The following DENND1A variants were observed in gnomAD, a reference collection of about 807,000 sequenced individuals.
DENND1A encodes the protein DENN domain containing 1A.
DENND1A carries 51 observed loss-of-function variants against 113.7 expected under a neutral mutation model. That is an observed-to-expected ratio of 0.45 (90% CI 0.36 to 0.57). DENND1A has a LOEUF of 0.57. Among genes scored for constraint, DENND1A ranks in the 20% least tolerant of loss-of-function variants. The pLI is 0.00. For missense variants in DENND1A, 1,258 were observed against 1,395.9 expected (o/e 0.90, Z 1.57); for synonymous variants, 565 against 570.8 (o/e 0.99, Z 0.14).
intron 5 of DENND1A, among the ~76,000 whole-genome samples, chr9:123,755,204 C>T (rs1293744089): frequency 1.3e-5 from 2 of 151,640 alleles, no homozygotes; most frequent in East Asian, 3.9e-4. Flanking sequence ...CTCACTGCAA[C>T]CTCCACCTCC....
At chr9:123,574,182 T>TC (rs1410236518) in intron 12 of DENND1A, among the ~76,000 whole-genome samples, 50 of 149,964 alleles carry the variant, frequency 3.3e-4, no homozygotes, top group Admixed American at 7.2e-4. Flanking sequence ...CCTTTTTTTT[T>TC]TTTTTTTTTG....
chr9:123,876,075 A>T (rs1847413355), intron 2 of DENND1A, among the ~76,000 whole-genome samples: 1 of 152,234 alleles, frequency 6.6e-6, no homozygotes, highest in Non-Finnish European at 1.5e-5. Flanking sequence ...TGCTTACTGG[A>T]TGCACTGAAA....
chr9:123,399,709 C>T (rs1413502298), intron 21 of DENND1A, among the ~76,000 whole-genome samples: 4 of 152,206 alleles, frequency 2.6e-5, no homozygotes, highest in Non-Finnish European at 2.9e-5. Context: ...GCTGGGCAGG[C>T]CATCATCTCA....
At chr9:123,680,496 G>A (rs528210480) in intron 5 of DENND1A, among the ~76,000 whole-genome samples, 141 of 152,314 alleles carry the variant, frequency 9.3e-4, no homozygotes, top group African/African-American at 3.2e-3. Context: ...CAAATATGGC[G>A]GACATGGTCT....
intron 12 of DENND1A, among the ~76,000 whole-genome samples, chr9:123,562,018 G>T (rs1397437393): frequency 6.6e-6 from 1 of 152,078 alleles, no homozygotes; most frequent in East Asian, 1.9e-4. Flanking sequence ...TCCTCAGTGG[G>T]CCTTCTTCTG....
At chr9:123,895,633 A>C (rs1850628684) in intron 1 of DENND1A, among the ~76,000 whole-genome samples, 1 of 151,824 alleles carries the variant, frequency 6.6e-6, no homozygotes, top group Admixed American at 6.6e-5. Flanking sequence ...AAAAAAAAAA[A>C]AGAAAAAAAG....
intron 5 of DENND1A, among the ~76,000 whole-genome samples, chr9:123,738,443 CTGTGTGTGTGTGTGTG>C (rs59851560): frequency 2.1e-5 from 3 of 143,328 alleles, no homozygotes; most frequent in Non-Finnish European, 3.1e-5. Flanking sequence ...TCAACAGCTT[CTGTGTGTGTGTGTGTG>C]TGTGTGTGTG....
At chr9:123,857,533 A>C (rs1270283774) in intron 2 of DENND1A, among the ~76,000 whole-genome samples, 2 of 152,250 alleles carry the variant, frequency 1.3e-5, no homozygotes, top group African/African-American at 4.8e-5. Flanking sequence ...AGACTACTTT[A>C]ATCAAGTGAT....
At chr9:123,926,004 CAT>C (rs571440040) in intron 1 of DENND1A, among the ~76,000 whole-genome samples, 54 of 152,350 alleles carry the variant, frequency 3.5e-4, no homozygotes, top group Non-Finnish European at 7.2e-4. Context: ...TAAACTGCCA[CAT>C]AGTTTCCTGC....
chr9:123,523,009 T>C (rs1003893302), intron 13 of DENND1A, among the ~76,000 whole-genome samples: 2 of 152,176 alleles, frequency 1.3e-5, no homozygotes, highest in African/African-American at 4.8e-5. Context: ...CACAGTCTAG[T>C]GGGGCAGAGA....
chr9:123,403,410 G>A lies in DENND1A; in HGVS notation c.1623C>T (p.Ser541=), dbSNP rs751592161. 6.2e-7 allele frequency: 1 copy of A among 1,614,086 alleles called. No homozygotes were observed. Among genetic ancestry groups the A allele is most frequent in the East Asian group, 2.2e-5 (1 of 44,876 alleles). The part of the protein sequence containing the change: ...AVEGRRTSVP[S]PEHLVKPLRH... The stretch of plus-strand genomic sequence containing the variant: ...AGAGGCACAATACTCACTGCTCAGG[G>A]CTCGGCACAGACGTCCTCCGGCCTT... The change falls in exon 21 of 24, where the codon AGC becomes AGT. Residue 541 remains serine (S), a synonymous_variant. Coordinates refer to ENST00000394215, the MANE Select transcript of DENND1A (RefSeq NM_001352964.2).
At chr9:123,541,823 G>A (rs536159526) in intron 13 of DENND1A, among the ~76,000 whole-genome samples, 3 of 152,182 alleles carry the variant, frequency 2.0e-5, no homozygotes, top group South Asian at 2.1e-4. Context: ...ACAATTTTAC[G>A]AGGGTGGCAT....
chr9:123,783,118 A>C (rs1160859274), intron 3 of DENND1A, among the ~76,000 whole-genome samples: 1 of 152,240 alleles, frequency 6.6e-6, no homozygotes, highest in East Asian at 1.9e-4. Context: ...TGAAGTTTTG[A>C]ACATGGGAAT....
chr9:123,458,941 A>G (rs907077691), intron 13 of DENND1A, among the ~76,000 whole-genome samples: 2 of 152,156 alleles, frequency 1.3e-5, no homozygotes, highest in African/African-American at 4.8e-5. Context: ...AGCCTAGGCA[A>G]TAAGAGCAAA....
chr9:123,450,912 G>A (rs113224691), intron 17 of DENND1A, among the ~76,000 whole-genome samples, 163 bp from the exon 18 acceptor site: 1 of 151,578 alleles, frequency 6.6e-6, no homozygotes, highest in East Asian at 1.9e-4. Context: ...CAAATACAAC[G>A]GTAAAAGGTT....
At chr9:123,670,861 T>A (rs1294331523) in intron 7 of DENND1A, among the ~76,000 whole-genome samples, 1 of 152,158 alleles carries the variant, frequency 6.6e-6, no homozygotes, top group African/African-American at 2.4e-5. Flanking sequence ...GATGAATATG[T>A]GTTACCCTGG....
At chr9:123,900,824 C>T (rs1851501875) in intron 1 of DENND1A, among the ~76,000 whole-genome samples, 1 of 152,138 alleles carries the variant, frequency 6.6e-6, no homozygotes, top group Non-Finnish European at 1.5e-5. Context: ...AGCTCTGTGA[C>T]CTTGTGCAAC....
intron 19 of DENND1A, among the ~76,000 whole-genome samples, chr9:123,424,742 C>T (rs780763565): frequency 7.2e-5 from 11 of 152,222 alleles, no homozygotes; most frequent in Non-Finnish European, 1.5e-4. Flanking sequence ...GGTGCTTAAC[C>T]TCTCTGAGCA....
chr9:123,441,573 G>A (rs4552983), intron 18 of DENND1A, among the ~76,000 whole-genome samples: 10,889 of 152,246 alleles, frequency 0.072, 452 homozygotes, highest in Middle Eastern at 0.12. Context: ...TGGCTCCGGT[G>A]GCTGAAGCTG....
Sources: gnomAD v4.1 joint callset for allele counts (sites outside exome capture counted in the v4.1 genomes callset) on GRCh38, gnomAD v4.1.1 for gene constraint, MANE v1.5 for transcripts, NCBI Gene and HGNC (gene_info 2026-07-23, HGNC 2026-07-21) for gene names.